Variants in EFCAB6 observed in about 807,000 individuals in gnomAD.
EFCAB6 encodes the protein EF-hand calcium-binding domain-containing protein 6.
Under a neutral mutation model 169.8 loss-of-function variants are expected in EFCAB6, and 156 were observed. The ratio of observed to expected loss-of-function variants is 0.92; its 90% CI spans 0.81 to 1.05. The LOEUF (loss-of-function observed/expected upper bound fraction) is 1.05, where lower values mean the gene tolerates loss of function less well. Among genes scored for constraint, EFCAB6 ranks in the 50% least tolerant of loss-of-function variants. The pLI is 0.00. For missense variants in EFCAB6, 1,800 were observed against 1,829.1 expected, an observed-to-expected ratio of 0.98 and a Z score of 0.29; for synonymous variants, 698 against 676.4, an observed-to-expected ratio of 1.03 and a Z score of -0.50.
At chr22:43,727,204 T>A (rs1447714824) in intron 8 of EFCAB6, among the ~76,000 whole-genome samples, 3 of 152,284 alleles carry the variant, frequency 2.0e-5, no homozygotes, top group African/African-American at 7.2e-5. Flanking sequence ...GGCAAGAGGA[T>A]CACTTGATGC....
chr22:43,617,448 T>G (rs1204421669), intron 20 of EFCAB6, among the ~76,000 whole-genome samples: 1 of 152,202 alleles, frequency 6.6e-6, no homozygotes, highest in Non-Finnish European at 1.5e-5. Flanking sequence ...ACACCCTGAT[T>G]TCTTTTCTAG....
chr22:43,701,669 A>AT (rs563480629), intron 10 of EFCAB6, among the ~76,000 whole-genome samples: 1 of 151,664 alleles, frequency 6.6e-6, no homozygotes, highest in Non-Finnish European at 1.5e-5. Context: ...ATTTGGAAAA[A>AT]TTTTTTTTAA....
At position 43,554,963 on chromosome 22, in the gene EFCAB6, A is replaced by G. The variant is rs761184059; in HGVS notation, c.3554T>C (p.Phe1185Ser). The change falls in exon 27 of 32, where the codon TTT (phenylalanine) becomes TCT (serine). Residue 1185 changes from phenylalanine to serine, a missense_variant. By Grantham distance (155) the Phe-to-Ser change is radical (BLOSUM62 -2). Transcript: ENST00000262726. ...TSHYHAITQE[F>S]ENFDTMKTNT... ...CGTTTTCATGGTGTCAAAATTCTCA[A>G]ACTCCTGGGTGATGGCATGGTAATG... is the stretch of plus-strand genomic sequence containing the variant. 4 of 1,613,992 alleles carry G rather than the reference A, an allele frequency of 2.5e-6. No homozygotes were observed. Among genetic ancestry groups the G allele is most frequent in the African/African-American group, 1.3e-5 (1 of 74,906 alleles).
intron 23 of EFCAB6, among the ~76,000 whole-genome samples, chr22:43,591,443 C>T (rs1200668965): frequency 7.3e-6 from 1 of 136,780 alleles, no homozygotes; most frequent in Non-Finnish European, 1.5e-5. Context: ...AGCAACAGAG[C>T]AAGACTCTGT....
intron 31 of EFCAB6, among the ~76,000 whole-genome samples, chr22:43,529,991 C>T (rs191546017): frequency 5.3e-5 from 8 of 152,340 alleles, no homozygotes; most frequent in African/African-American, 1.9e-4. Flanking sequence ...GGCTAGATGG[C>T]CCAGAGGTCC....
At position 43,628,846 on chromosome 22, in the gene EFCAB6, C is replaced by T. The variant is rs1417075318; in HGVS notation, c.2233-2167G>A. 6.6e-6 allele frequency among the ~76,000 whole-genome samples: 1 copy of T among 152,184 alleles called. No individual in the cohort carries two copies. The highest frequency in any genetic ancestry group is 1.5e-5 in the Non-Finnish European group (1 of 68,024). ...CCTGATCTAGTAGAGGTTTCTGTGT[C>T]CACTGCACTTCCCCCTAGAACATAA... is the stretch of plus-strand genomic sequence containing the variant. On this transcript the variant is annotated intron_variant, in intron 19 of 31. Coordinates refer to ENST00000262726, the MANE Select transcript of EFCAB6 (RefSeq NM_022785.4). This position sits in a 1 kb window ranked among gnomAD's most constrained non-coding sequence, Gnocchi z 4.8.
At chr22:43,692,321 T>C (rs1004223740) in intron 10 of EFCAB6, among the ~76,000 whole-genome samples, 1 of 152,122 alleles carries the variant, frequency 6.6e-6, no homozygotes, top group Non-Finnish European at 1.5e-5. Context: ...CAATTTAACA[T>C]TCCAAATGTC....
rs937969350 is a variant in EFCAB6, at chr22:43,795,349, G to A, written c.-7-13024C>T. ...ATGACAAAAATTGCTACCTGGGGAC[G>A]ATGGAGACATTGATCTTTTTATGTT... On this transcript the variant is annotated intron_variant, in intron 2 of 31. Transcript: ENST00000262726. The surrounding 1 kb of genome is among the most constrained non-coding windows in gnomAD (Gnocchi z 4.2). 1.3e-5 allele frequency among the ~76,000 whole-genome samples: 2 copies of A among 152,160 alleles called. No homozygotes were observed. The highest frequency in any genetic ancestry group is 6.5e-5 in the Admixed American group (1 of 15,272).
chr22:43,803,244 G>A (rs1261201169), intron 2 of EFCAB6, among the ~76,000 whole-genome samples: 1 of 152,136 alleles, frequency 6.6e-6, no homozygotes, highest in Non-Finnish European at 1.5e-5. Context: ...AAGAGCAGCG[G>A]TTCTCTTTCT....
rs778709830 is a variant in EFCAB6 at position 43,773,078 on chromosome 22, C to T, written c.165G>A (p.Leu55=). Residue 55 remains leucine (L), a synonymous_variant, in exon 4 of 32, where the codon CTG becomes CTA. Coordinates refer to ENST00000262726, the MANE Select transcript of EFCAB6 (RefSeq NM_022785.4). ...AAATCCGTTTAACATCTAAGGAGGA[C>T]AGTGTTGGATTTGCAACAGCTGTGG... The part of the protein sequence containing the change: ...SSTTAVANPT[L]SSLDVKRILF... 1.2e-6 allele frequency: 2 copies of T among 1,614,064 alleles called. No homozygotes were observed. The highest frequency in any genetic ancestry group is 2.7e-5 in the African/African-American group (2 of 74,922).
intron 7 of EFCAB6, among the ~76,000 whole-genome samples, chr22:43,735,413 C>A (rs2060097791): frequency 6.6e-6 from 1 of 151,980 alleles, no homozygotes; most frequent in South Asian, 2.1e-4. Flanking sequence ...ATTATTGTAT[C>A]AGGATGCAGA....
chr22:43,796,149 G>A (rs2062501152), intron 2 of EFCAB6, among the ~76,000 whole-genome samples: 3 of 151,942 alleles, frequency 2.0e-5, no homozygotes, highest in South Asian at 2.1e-4. Context: ...AAGTTTCCAC[G>A]CCATCCACAA....
intron 4 of EFCAB6, among the ~76,000 whole-genome samples, chr22:43,767,815 C>T (rs1045107651): frequency 2.8e-5 from 1 of 35,202 alleles, no homozygotes; most frequent in African/African-American, 1.1e-4. Context: ...TAAAGAAATT[C>T]TTGCGATGAT....
chr22:43,564,955 C>G (rs2049329623), intron 26 of EFCAB6, among the ~76,000 whole-genome samples: 1 of 152,208 alleles, frequency 6.6e-6, no homozygotes, highest in Admixed American at 6.5e-5. Flanking sequence ...TTCTTGGGGT[C>G]TGTCACCTCT....
chr22:43,784,562 T>TATATATGTATATATACAC (rs1569487256), intron 2 of EFCAB6, among the ~76,000 whole-genome samples: 14 of 77,096 alleles, frequency 1.8e-4, no homozygotes, highest in East Asian at 9.0e-4. Flanking sequence ...TATATACACA[T>TATATATGTATATATACAC]ATATATGTGT....
At position 43,628,868 on chromosome 22, in the gene EFCAB6, A is replaced by G. The variant is rs959486285; in HGVS notation, c.2233-2189T>C. On this transcript the variant is annotated intron_variant, in intron 19 of 31. Coordinates refer to ENST00000262726, the MANE Select transcript of EFCAB6 (RefSeq NM_022785.4). This position sits in a 1 kb window ranked among gnomAD's most constrained non-coding sequence, Gnocchi z 4.8. Reference sequence around the variant, plus strand: ...TGTCCACTGCACTTCCCCCTAGAACATAAGCATGAGTCTGGGCTCTGATCT... The same window carrying G: ...TGTCCACTGCACTTCCCCCTAGAACGTAAGCATGAGTCTGGGCTCTGATCT... Among the ~76,000 whole-genome samples the G allele has an allele frequency of 1.3e-5, 2 of 152,172 alleles. No individual in the cohort carries two copies. Among genetic ancestry groups the G allele is most frequent in the Non-Finnish European group, 2.9e-5 (2 of 68,032 alleles).
chr22:43,566,529 A>C (rs1364851417), intron 26 of EFCAB6, among the ~76,000 whole-genome samples: 1 of 152,146 alleles, frequency 6.6e-6, no homozygotes, highest in Admixed American at 6.5e-5. Context: ...CATCACCCTG[A>C]GAGGCAGCCG....
chr22:43,721,996 C>T (rs968568457), intron 8 of EFCAB6, among the ~76,000 whole-genome samples: 12 of 152,220 alleles, frequency 7.9e-5, no homozygotes, highest in African/African-American at 2.6e-4. Context: ...ATGCATCTGA[C>T]AAAGTCCTAA....
At chr22:43,557,964 T>C (rs2048806887) in intron 26 of EFCAB6, among the ~76,000 whole-genome samples, 1 of 152,098 alleles carries the variant, frequency 6.6e-6, no homozygotes. Flanking sequence ...AAAATAGAAA[T>C]AGAATGGGAT....
Sources: gnomAD v4.1 joint callset for allele counts (sites outside exome capture counted in the v4.1 genomes callset) on GRCh38, gnomAD v4.1.1 for gene constraint, Gnocchi (gnomAD v3.1) non-coding constraint, MANE v1.5 for transcripts, NCBI Gene and HGNC (gene_info 2026-07-23, HGNC 2026-07-21) for gene names.